ZNHIT6: variants seen among roughly 807,000 people sequenced by gnomAD.
ZNHIT6 encodes the protein box C/D snoRNA protein 1.
ZNHIT6 carries 45 observed loss-of-function variants against 57.2 expected under a neutral mutation model. The observed-to-expected ratio is 0.79, with a 90% CI of 0.62 to 1.01. The LOEUF is 1.01. Among genes scored for constraint, ZNHIT6 ranks in the 50% least tolerant of loss-of-function variants. The probability of loss-of-function intolerance (pLI) is 0.00; values close to 1 mark genes in which losing one functional copy is unlikely to be tolerated. For missense variants in ZNHIT6, 528 were observed against 567.3 expected, an observed-to-expected ratio of 0.93 and a Z score of 0.70; for synonymous variants, 188 against 190.0, an observed-to-expected ratio of 0.99 and a Z score of 0.09.
chr1:85,671,846 T>A (rs900724243), intron 8 of ZNHIT6, among the ~76,000 whole-genome samples: 1 of 152,130 alleles, frequency 6.6e-6, no homozygotes, highest in African/African-American at 2.4e-5. Context: ...CATTTTTGCA[T>A]AAGAGCAAAA....
At chr1:85,670,008 C>T (rs115438139) in intron 8 of ZNHIT6, among the ~76,000 whole-genome samples, 53 of 152,122 alleles carry the variant, frequency 3.5e-4, no homozygotes, top group African/African-American at 1.3e-3. Context: ...AAAGCCTGAC[C>T]CTGAGCAGGT....
At chr1:85,686,748 C>T (rs574803784) in intron 5 of ZNHIT6, among the ~76,000 whole-genome samples, 9 of 152,100 alleles carry the variant, frequency 5.9e-5, no homozygotes, top group Non-Finnish European at 2.9e-5. Flanking sequence ...ATGAAAGCTT[C>T]CTGTTCTTTA....
chr1:85,681,324 A>G (rs1295175480), intron 5 of ZNHIT6, among the ~76,000 whole-genome samples: 2 of 152,212 alleles, frequency 1.3e-5, no homozygotes, highest in Non-Finnish European at 2.9e-5. Context: ...ATTCAGTAGC[A>G]AAACAGGAGA....
chr1:85,662,248 C>T (rs185783142), intron 8 of ZNHIT6, among the ~76,000 whole-genome samples: 1 of 151,444 alleles, frequency 6.6e-6, no homozygotes, highest in African/African-American at 2.4e-5. Flanking sequence ...TGATCACTGA[C>T]ACTCCATGGA....
intron 8 of ZNHIT6, among the ~76,000 whole-genome samples, chr1:85,665,778 T>C (rs932031681): frequency 6.6e-6 from 1 of 152,190 alleles, no homozygotes; most frequent in African/African-American, 2.4e-5. Flanking sequence ...TTAGGATGTA[T>C]ATTACCTTGC....
chr1:85,656,050 CT>C lies in ZNHIT6; in HGVS notation c.1372+1796del, dbSNP rs1297700077. On this transcript the variant is annotated intron_variant, in intron 9 of 9. Transcript: ENST00000370574. ...TCCAGAGAGGGAAGGAATTTCAAGG[CT>C]TTCCAAAGAAAATGCCCTCTTCTTA... Among the ~76,000 whole-genome samples the C allele has an allele frequency of 2.0e-5, 3 of 152,252 alleles. No homozygotes were observed. The East Asian group carries it at 5.8e-4, about 29-fold the overall frequency.
At chr1:85,688,191 C>CA (rs1211662498) in intron 5 of ZNHIT6, among the ~76,000 whole-genome samples, 1 of 152,116 alleles carries the variant, frequency 6.6e-6, no homozygotes, top group African/African-American at 2.4e-5. Context: ...TATGTATTAA[C>CA]TCCTTTAATC....
intron 8 of ZNHIT6, among the ~76,000 whole-genome samples, chr1:85,663,065 A>G (rs1029687119): frequency 1.3e-5 from 2 of 152,186 alleles, no homozygotes; most frequent in African/African-American, 4.8e-5. Context: ...CTTATGAGCT[A>G]TAACTCCACA....
intron 5 of ZNHIT6, among the ~76,000 whole-genome samples, chr1:85,683,524 G>GAAAAAAAAA (rs1200395551): frequency 8.0e-6 from 1 of 124,334 alleles, no homozygotes; most frequent in Non-Finnish European, 1.7e-5. Flanking sequence ...TTCCGTCACA[G>GAAAAAAAAA]AAAAAAAAAA....
At chr1:85,689,782 G>A (rs773981940) in intron 5 of ZNHIT6, among the ~76,000 whole-genome samples, 2 of 152,144 alleles carry the variant, frequency 1.3e-5, no homozygotes, top group Non-Finnish European at 2.9e-5. Flanking sequence ...AGACTAGGGA[G>A]CACTTGAGGA....
chr1:85,676,334 C>T lies in ZNHIT6; in HGVS notation c.1247+902G>A, dbSNP rs552957956. Among the ~76,000 whole-genome samples the T allele has an allele frequency of 3.1e-5, 4 of 129,602 alleles. No homozygotes were observed. In the South Asian group the frequency reaches 1.1e-3, roughly 36 times the overall value. 85.0% of individuals were successfully genotyped at this position (129,602 alleles called of 152,430 possible). On this transcript the variant is annotated intron_variant, in intron 8 of 9. Coordinates refer to ENST00000370574, the MANE Select transcript of ZNHIT6 (RefSeq NM_017953.4). ...TTGGACAACAAGAGTGAAACTCCGT[C>T]TCAAAAAAAAAAAAAAAAAAAAGAC...
At chr1:85,681,641 G>A (rs757624653) in intron 5 of ZNHIT6, among the ~76,000 whole-genome samples, 75 of 152,166 alleles carry the variant, frequency 4.9e-4, no homozygotes, top group South Asian at 3.3e-3. Context: ...AATGACTACC[G>A]ATATCTCCTT....
Position 85,702,267 on chromosome 1 carries a change from A to T in ZNHIT6, c.916-7T>A. Reference sequence around the variant, plus strand: ...GATTTTTCATAAAGTACATCTAACAACAAAAACCAAACAGACAAATTAATT... The same window carrying T: ...GATTTTTCATAAAGTACATCTAACATCAAAAACCAAACAGACAAATTAATT... On this transcript the variant is annotated splice_polypyrimidine_tract_variant and splice_region_variant and intron_variant, in intron 4 of 9. Coordinates refer to ENST00000370574, the MANE Select transcript of ZNHIT6 (RefSeq NM_017953.4). The T allele has an allele frequency of 6.5e-7, 1 of 1,528,504 alleles. No homozygotes were observed. Among genetic ancestry groups the T allele is most frequent in the Non-Finnish European group, 8.9e-7 (1 of 1,118,588 alleles). 94.7% of individuals were successfully genotyped at this position (1,528,504 alleles called of 1,614,324 possible). A position where few individuals can be genotyped will look rare whatever the true frequency, so the allele number is the denominator to read the frequency against.
intron 8 of ZNHIT6, among the ~76,000 whole-genome samples, chr1:85,673,933 C>T (rs1661633298): frequency 6.6e-6 from 1 of 152,120 alleles, no homozygotes; most frequent in African/African-American, 2.4e-5. Flanking sequence ...CTACAAAATA[C>T]TTATAAAATT....
chr1:85,696,579 A>G (rs1371180926), intron 5 of ZNHIT6, among the ~76,000 whole-genome samples: 1 of 152,078 alleles, frequency 6.6e-6, no homozygotes. Flanking sequence ...TCTCCTGACT[A>G]TAGATCATCT....
chr1:85,706,547 A>C lies in ZNHIT6; in HGVS notation c.657-40T>G, dbSNP rs770478753. 1.2e-5 allele frequency: 18 copies of C among 1,462,222 alleles called. No individual in the cohort carries two copies. In the East Asian group the frequency reaches 4.4e-4, roughly 36 times the overall value. The allele number at this position is 1,462,222 out of a possible 1,614,324, so 90.6% of individuals were successfully genotyped here. A position where few individuals can be genotyped will look rare whatever the true frequency, so the allele number is the denominator to read the frequency against. The stretch of plus-strand genomic sequence containing the variant: ...ATGTAACATTAAATTATCAAATATT[A>C]ATTGTATTTATTTATAAACTTAGAA... On this transcript the variant is annotated intron_variant, in intron 1 of 9. Transcript: ENST00000370574.
chr1:85,676,276 C>T (rs922320579), intron 8 of ZNHIT6, among the ~76,000 whole-genome samples: 8 of 142,604 alleles, frequency 5.6e-5, no homozygotes, highest in Non-Finnish European at 1.2e-4. Flanking sequence ...GCGGAGGTTG[C>T]GGTGAACCGA....
At chr1:85,658,512 G>A (rs886237879) in intron 8 of ZNHIT6, among the ~76,000 whole-genome samples, 2 of 152,060 alleles carry the variant, frequency 1.3e-5, no homozygotes, top group Non-Finnish European at 2.9e-5. Flanking sequence ...TTACAGGCGT[G>A]AGCCACCATG....
At chr1:85,694,188 G>C (rs1426872698) in intron 5 of ZNHIT6, among the ~76,000 whole-genome samples, 2 of 152,152 alleles carry the variant, frequency 1.3e-5, no homozygotes, top group Non-Finnish European at 2.9e-5. Context: ...CTCAGCAAAT[G>C]TACATACTTA....
Sources: gnomAD v4.1 joint callset for allele counts (sites outside exome capture counted in the v4.1 genomes callset) on GRCh38, gnomAD v4.1.1 for gene constraint, MANE v1.5 for transcripts, NCBI Gene and HGNC (gene_info 2026-07-23, HGNC 2026-07-21) for gene names.